RAB27A: variants seen among roughly 807,000 people sequenced by gnomAD.
The protein encoded by RAB27A is RAB27A, member RAS oncogene family.
RAB27A carries 17 observed loss-of-function variants against 20.8 expected under a neutral mutation model. The ratio of observed to expected loss-of-function variants is 0.82; its 90% CI spans 0.56 to 1.23. RAB27A has a LOEUF of 1.23. Ranked by LOEUF, RAB27A falls within the 50% of genes most tolerant of loss-of-function variation. RAB27A has a pLI of 0.00. For synonymous variants in RAB27A, 85 were observed against 92.8 expected (o/e 0.92, Z 0.48); for missense variants, 277 against 266.7 (o/e 1.04, Z -0.27).
chr15:55,227,429 A>G (rs959875902), intron 5 of RAB27A, among the ~76,000 whole-genome samples: 1 of 152,204 alleles, frequency 6.6e-6, no homozygotes, highest in Non-Finnish European at 1.5e-5. Flanking sequence ...ATTCAGCTAC[A>G]AGGGAAATAA....
chr15:55,275,113 ATGG>A (rs781635830), intron 1 of RAB27A, among the ~76,000 whole-genome samples: 166 of 151,032 alleles, frequency 1.1e-3, no homozygotes, highest in Non-Finnish European at 2.2e-3. Context: ...TAACTGGGGC[ATGG>A]TGGTGCACAC....
intron 2 of RAB27A, among the ~76,000 whole-genome samples, chr15:55,303,005 C>A (rs1219518556): frequency 7.0e-6 from 1 of 143,334 alleles, no homozygotes; most frequent in African/African-American, 2.7e-5. Context: ...ACCCCCCGCC[C>A]GGCCAGCCGC....
At chr15:55,245,930 T>G (rs563576) in intron 2 of RAB27A, among the ~76,000 whole-genome samples, 150,410 of 152,226 alleles carry the variant, frequency 0.99, 74,331 homozygotes, top group Middle Eastern at 1. Context: ...GCAAAACCCT[T>G]ACTTTACTAA....
intron 2 of RAB27A, among the ~76,000 whole-genome samples, chr15:55,309,084 G>T (rs1309279304): frequency 6.6e-6 from 1 of 152,160 alleles, no homozygotes; most frequent in East Asian, 1.9e-4. Context: ...TTTAGGGCCT[G>T]GAAAGCCGCT....
At chr15:55,312,916 G>C (rs544567968) in intron 2 of RAB27A, among the ~76,000 whole-genome samples, 95 of 152,190 alleles carry the variant, frequency 6.2e-4, no homozygotes, top group African/African-American at 2.2e-3. Context: ...TGCCACAATT[G>C]AGCAGAAACT....
intron 2 of RAB27A, among the ~76,000 whole-genome samples, chr15:55,253,455 A>AT (rs1342226415): frequency 2.0e-5 from 3 of 151,658 alleles, no homozygotes; most frequent in Non-Finnish European, 1.5e-5. Flanking sequence ...TCAAAGGAAA[A>AT]AAAAAAAGAA....
chr15:55,301,147 T>C (rs1486796139), intron 2 of RAB27A, among the ~76,000 whole-genome samples: 6 of 152,076 alleles, frequency 3.9e-5, no homozygotes, highest in Non-Finnish European at 8.8e-5. Flanking sequence ...TGGACCAAAC[T>C]AATCTAACAG....
upstream of RAB27A, among the ~76,000 whole-genome samples, chr15:55,291,797 C>T (rs137972125): frequency 2.6e-3 from 393 of 152,182 alleles, 6 homozygotes; most frequent in East Asian, 8.9e-3. Context: ...TCAAGTCAGG[C>T]ACCCTATTAG....
intron 6 of RAB27A, among the ~76,000 whole-genome samples, chr15:55,213,895 T>C (rs1001878095): frequency 1.3e-5 from 2 of 152,224 alleles, no homozygotes; most frequent in Non-Finnish European, 2.9e-5. Flanking sequence ...AAATGTAATA[T>C]GTTTGAATCA....
At chr15:55,228,376 G>C (rs1320075939) in intron 5 of RAB27A, among the ~76,000 whole-genome samples, 1 of 152,194 alleles carries the variant, frequency 6.6e-6, no homozygotes, top group Non-Finnish European at 1.5e-5. Context: ...CACATAAAGT[G>C]CTGCCTTGCA....
At chr15:55,216,983 T>C (rs941195306) in intron 6 of RAB27A, among the ~76,000 whole-genome samples, 2 of 152,218 alleles carry the variant, frequency 1.3e-5, no homozygotes, top group African/African-American at 2.4e-5. Context: ...AAATATTTAA[T>C]TGGTATAATT....
At chr15:55,313,348 G>A (rs958462385) in intron 2 of RAB27A, among the ~76,000 whole-genome samples, 24 of 152,094 alleles carry the variant, frequency 1.6e-4, no homozygotes, top group Non-Finnish European at 3.4e-4. Flanking sequence ...AGGTTATAGC[G>A]AGCAATGATG....
At chr15:55,302,786 A>G (rs1447278434) in intron 2 of RAB27A, among the ~76,000 whole-genome samples, 2 of 134,246 alleles carry the variant, frequency 1.5e-5, no homozygotes, top group African/African-American at 6.0e-5. Flanking sequence ...GGAGGTGAGG[A>G]GCATCTCTGC....
intron 1 of RAB27A, among the ~76,000 whole-genome samples, chr15:55,275,201 G>A (rs1023043157): frequency 4.6e-5 from 7 of 151,518 alleles, no homozygotes; most frequent in African/African-American, 1.5e-4. Flanking sequence ...GCAGTGAGTC[G>A]AGATTGCTCC....
intron 6 of RAB27A, among the ~76,000 whole-genome samples, chr15:55,221,067 C>T (rs1895546450): frequency 6.6e-6 from 1 of 152,024 alleles, no homozygotes; most frequent in African/African-American, 2.4e-5. Flanking sequence ...AAAGACAGTC[C>T]CCCACACCCC....
At chr15:55,216,968 T>G (rs922301479) in intron 6 of RAB27A, among the ~76,000 whole-genome samples, 2 of 152,238 alleles carry the variant, frequency 1.3e-5, no homozygotes, top group African/African-American at 4.8e-5. Flanking sequence ...TTTATTAACT[T>G]AAGCAAATAT....
chr15:55,283,452 C>A (rs1898069841), intron 1 of RAB27A, among the ~76,000 whole-genome samples: 1 of 152,142 alleles, frequency 6.6e-6, no homozygotes, highest in South Asian at 2.1e-4. Context: ...TGAGGAAATA[C>A]CACAACCCAC....
chr15:55,281,998 T>A (rs531148899), intron 1 of RAB27A, among the ~76,000 whole-genome samples: 1 of 152,088 alleles, frequency 6.6e-6, no homozygotes, highest in African/African-American at 2.4e-5. Flanking sequence ...GGGGCAAGAA[T>A]TGGAACAGAA....
chr15:55,209,855 T>C (rs1238719820), intron 6 of RAB27A, among the ~76,000 whole-genome samples: 1 of 70,678 alleles, frequency 1.4e-5, no homozygotes, highest in Non-Finnish European at 2.8e-5. Context: ...CATATATGTG[T>C]GTATATACAT....
Sources: gnomAD v4.1 joint callset for allele counts (sites outside exome capture counted in the v4.1 genomes callset) on GRCh38, gnomAD v4.1.1 for gene constraint, MANE v1.5 for transcripts, NCBI Gene and HGNC (gene_info 2026-07-23, HGNC 2026-07-21) for gene names.